Variants in GRM1 observed in about 807,000 individuals in gnomAD.
The protein encoded by GRM1 is glutamate metabotropic receptor 1.
Under a neutral mutation model 90.9 loss-of-function variants are expected in GRM1, and 33 were observed. The ratio of observed to expected loss-of-function variants is 0.36; its 90% CI spans 0.28 to 0.49. GRM1 has a LOEUF of 0.49. Among genes scored for constraint, GRM1 ranks in the 20% least tolerant of loss-of-function variants. GRM1 has a pLI of 0.99. For missense variants in GRM1, 1,190 were observed against 1,534.3 expected, an observed-to-expected ratio of 0.78 and a Z score of 3.75; for synonymous variants, 700 against 613.2, an observed-to-expected ratio of 1.14 and a Z score of -2.09.
intron 1 of GRM1, among the ~76,000 whole-genome samples, chr6:146,055,306 A>C (rs535744144): frequency 6.6e-6 from 1 of 152,110 alleles, no homozygotes; most frequent in African/African-American, 2.4e-5. Context: ...CTGTGGCCCA[A>C]CCTCTAGCAT....
chr6:146,132,564 G>A (rs893822931), intron 1 of GRM1, among the ~76,000 whole-genome samples: 5 of 152,086 alleles, frequency 3.3e-5, no homozygotes, highest in Admixed American at 3.3e-4. Flanking sequence ...ACATTTTATT[G>A]TGTATTCCTC....
Position 146,436,141 on chromosome 6 carries a change from A to G in GRM1, c.*1345A>G, listed in dbSNP as rs933930929. ...ATTGTCTTTTGAATATACTATATAT[A>G]TTTTTTATGTTCCAATAATGTTTTG... On this transcript the variant is annotated 3_prime_UTR_variant, in exon 8 of 8. Transcript: ENST00000282753. 1 of 152,412 alleles carries G rather than the reference A, an allele frequency of 6.6e-6. No individual in the cohort carries two copies. Among genetic ancestry groups the G allele is most frequent in the African/African-American group, 2.4e-5 (1 of 41,432 alleles). 9.4% of individuals were successfully genotyped at this position (152,412 alleles called of 1,614,324 possible). A position where few individuals can be genotyped will look rare whatever the true frequency, so the allele number is the denominator to read the frequency against.
intron 2 of GRM1, among the ~76,000 whole-genome samples, chr6:146,280,295 T>A (rs1782520945): frequency 6.6e-6 from 1 of 152,138 alleles, no homozygotes; most frequent in Admixed American, 6.5e-5. Context: ...TAGCCCTGAG[T>A]TATCCATTGT....
At chr6:146,251,772 C>T (rs1474348245) in intron 2 of GRM1, among the ~76,000 whole-genome samples, 1 of 152,226 alleles carries the variant, frequency 6.6e-6, no homozygotes, top group African/African-American at 2.4e-5. Flanking sequence ...TCATTCAAAG[C>T]TCATGCCCAG....
At chr6:146,112,526 C>G (rs1170779716) in intron 1 of GRM1, among the ~76,000 whole-genome samples, 2 of 152,036 alleles carry the variant, frequency 1.3e-5, no homozygotes, top group African/African-American at 2.4e-5. Flanking sequence ...TTCTTTTTCT[C>G]TCTGACAGAA....
At chr6:146,113,455 G>A (rs1775634693) in intron 1 of GRM1, among the ~76,000 whole-genome samples, 1 of 152,182 alleles carries the variant, frequency 6.6e-6, no homozygotes, top group African/African-American at 2.4e-5. Flanking sequence ...CTTATGCTGA[G>A]TACACTGCTG....
intron 7 of GRM1, among the ~76,000 whole-genome samples, chr6:146,418,564 T>C (rs1002477298): frequency 2.0e-5 from 3 of 151,736 alleles, no homozygotes; most frequent in African/African-American, 7.2e-5. Flanking sequence ...TTTTTACTAT[T>C]TTTTTAATTT....
chr6:146,318,837 T>G (rs1187973935), intron 3 of GRM1, among the ~76,000 whole-genome samples: 1 of 152,174 alleles, frequency 6.6e-6, no homozygotes, highest in Non-Finnish European at 1.5e-5. Flanking sequence ...TCACCCACTT[T>G]TTGATGGGGT....
intron 7 of GRM1, among the ~76,000 whole-genome samples, chr6:146,409,986 A>C (rs1255133806): frequency 6.6e-6 from 1 of 152,238 alleles, no homozygotes. Flanking sequence ...TTCTCAAGTT[A>C]CCATGCTCCT....
intron 2 of GRM1, among the ~76,000 whole-genome samples, chr6:146,195,401 C>A (rs9386147): frequency 1.3e-5 from 2 of 152,058 alleles, no homozygotes; most frequent in African/African-American, 2.4e-5. Flanking sequence ...CCTCCTCAGA[C>A]CCGCCGTTCA....
At chr6:146,224,388 A>G (rs1780169852) in intron 2 of GRM1, among the ~76,000 whole-genome samples, 2 of 152,146 alleles carry the variant, frequency 1.3e-5, no homozygotes, top group South Asian at 4.1e-4. Context: ...ACAACTTGCT[A>G]AATTAGTTCT....
intron 1 of GRM1, among the ~76,000 whole-genome samples, chr6:146,038,711 A>G (rs867984890): frequency 6.7e-6 from 1 of 150,362 alleles, no homozygotes; most frequent in Non-Finnish European, 1.5e-5. Flanking sequence ...TTTTGATTGG[A>G]CAGCATATTC....
chr6:146,394,552 T>G (rs1465207465), intron 6 of GRM1, among the ~76,000 whole-genome samples: 1 of 152,110 alleles, frequency 6.6e-6, no homozygotes, highest in Non-Finnish European at 1.5e-5. Context: ...TTGCAGAGCT[T>G]CAGTTTAAAA....
chr6:146,299,554 G>A (rs1562591561), intron 2 of GRM1, among the ~76,000 whole-genome samples: 1 of 152,054 alleles, frequency 6.6e-6, no homozygotes, highest in Admixed American at 6.6e-5. Context: ...ATTCTCCTTG[G>A]AATATAAAGT....
chr6:146,263,017 C>G (rs1186417529), intron 2 of GRM1, among the ~76,000 whole-genome samples: 2 of 151,958 alleles, frequency 1.3e-5, no homozygotes, highest in Non-Finnish European at 2.9e-5. Context: ...ACCACACTTA[C>G]TGCTGCTGAA....
intron 2 of GRM1, among the ~76,000 whole-genome samples, chr6:146,250,000 T>C (rs146231067): frequency 2.8e-4 from 42 of 152,330 alleles, no homozygotes; most frequent in African/African-American, 1.0e-3. Flanking sequence ...TCAGACTTGC[T>C]TGGAGCCTGT....
intron 2 of GRM1, among the ~76,000 whole-genome samples, chr6:146,263,366 A>G (rs375011377): frequency 6.6e-6 from 1 of 152,012 alleles, no homozygotes; most frequent in Admixed American, 6.5e-5. Flanking sequence ...TTGTAAAGGA[A>G]AATAGATTAT....
At chr6:146,128,847 G>A (rs1776289617) in intron 1 of GRM1, among the ~76,000 whole-genome samples, 1 of 151,898 alleles carries the variant, frequency 6.6e-6, no homozygotes, top group Non-Finnish European at 1.5e-5. Flanking sequence ...AGCATCCTTG[G>A]CCATTTCCCT....
intron 1 of GRM1, among the ~76,000 whole-genome samples, chr6:146,124,006 G>T (rs1426689621): frequency 6.6e-6 from 1 of 152,098 alleles, no homozygotes; most frequent in Non-Finnish European, 1.5e-5. Context: ...CAGCATAGTC[G>T]AGTTTACAAA....
Sources: gnomAD v4.1 joint callset for allele counts (sites outside exome capture counted in the v4.1 genomes callset) on GRCh38, gnomAD v4.1.1 for gene constraint, MANE v1.5 for transcripts, NCBI Gene and HGNC (gene_info 2026-07-23, HGNC 2026-07-21) for gene names.